OSBPL10: variants seen among roughly 807,000 people sequenced by gnomAD.
OSBPL10 encodes the protein oxysterol binding protein like 10, also known as oxysterol-binding protein-related protein 10.
OSBPL10 carries 49 observed loss-of-function variants against 81.7 expected under a neutral mutation model. The observed-to-expected ratio is 0.60, with a 90% CI of 0.48 to 0.76. The LOEUF is 0.76. OSBPL10 is among the 30% of genes least tolerant of loss of function. OSBPL10 has a pLI of 0.00. For missense variants in OSBPL10, 923 were observed against 987.8 expected (o/e 0.93, Z 0.88); for synonymous variants, 419 against 383.6 (o/e 1.09, Z -1.08).
exon 1 of OSBPL10, chr3:32,077,455 C>T (rs1699885546): frequency 6.6e-6 from 1 of 152,288 alleles, no homozygotes; most frequent in Non-Finnish European, 1.5e-5. Context: ...TCCTGATGGT[C>T]CACACCTGTT....
At chr3:31,966,209 A>G (rs1307423680) in intron 1 of OSBPL10, among the ~76,000 whole-genome samples, 1 of 149,092 alleles carries the variant, frequency 6.7e-6, no homozygotes, top group East Asian at 1.9e-4. Context: ...ACACTTCTAA[A>G]TAATTCATGG....
At chr3:31,876,357 C>T (rs1195206003) in intron 3 of OSBPL10, 76 bp downstream of exon 3, 3 of 1,271,442 alleles carry the variant, frequency 2.4e-6, no homozygotes, top group Non-Finnish European at 3.4e-6. Context: ...AAACACCTTC[C>T]CCGAAGAAAC....
rs1436258549 is a variant in OSBPL10, at chr3:31,769,461, A to AC, written c.730-21342_730-21341insG. On this transcript the variant is annotated intron_variant, in intron 4 of 11. Coordinates refer to ENST00000396556, the MANE Select transcript of OSBPL10 (RefSeq NM_017784.5). ...ACTCCATCTCAAAAAAAAAAAAACA[A>AC]AAAAAAAACAAAAAAAAACAGAATA... Among the ~76,000 whole-genome samples the AC allele has an allele frequency of 1.0e-4, 8 of 76,660 alleles. 3 individuals are homozygous for AC. The highest frequency in any genetic ancestry group is 1.1e-4 in the Non-Finnish European group (4 of 35,336). The allele number at this position is 76,660 out of a possible 152,430, so 50.3% of individuals were successfully genotyped here.
intron 6 of OSBPL10, among the ~76,000 whole-genome samples, chr3:31,719,739 T>C (rs1696574984): frequency 6.6e-6 from 1 of 152,082 alleles, no homozygotes; most frequent in Admixed American, 6.6e-5. Flanking sequence ...CTATATAAGA[T>C]ATATTTCTGT....
intron 3 of OSBPL10, among the ~76,000 whole-genome samples, chr3:31,845,262 AGGTATGT>A (rs1700600602): frequency 6.6e-6 from 1 of 152,160 alleles, no homozygotes; most frequent in Non-Finnish European, 1.5e-5. Flanking sequence ...TTATGCCACA[AGGTATGT>A]GGAACATACA....
intron 1 of OSBPL10, among the ~76,000 whole-genome samples, chr3:31,960,960 T>G (rs2125462323): frequency 6.6e-6 from 1 of 151,516 alleles, no homozygotes; most frequent in East Asian, 1.9e-4. Context: ...ACCTCAAAGC[T>G]GCCCAAAAAA....
At chr3:32,030,083 AAAG>A (rs1283691891) in intron 2 of OSBPL10, 2 of 194,680 alleles carry the variant, frequency 1.0e-5, no homozygotes, top group African/African-American at 4.8e-5. Context: ...AGAATATGTC[AAAG>A]AAGGTTAGAG....
chr3:31,876,179 G>C (rs1216227429), intron 3 of OSBPL10, among the ~76,000 whole-genome samples: 1 of 152,000 alleles, frequency 6.6e-6, no homozygotes, highest in Non-Finnish European at 1.5e-5. Context: ...TGCCTAAATT[G>C]ACAACAGAAT....
rs556978319 is a variant in OSBPL10, at chr3:31,717,381, T to C, written c.1096-14873A>G. The stretch of plus-strand genomic sequence containing the variant: ...CAGAAACAACCCAAAGCTCAGGTCT[T>C]ATTCTTTTTATTTTTCTTAAAGACA... On this transcript the variant is annotated intron_variant, in intron 6 of 11. Transcript: ENST00000396556. Among the ~76,000 whole-genome samples, 4 of 152,346 alleles carry C rather than the reference T, an allele frequency of 2.6e-5. No individual in the cohort carries two copies. In the East Asian group the frequency reaches 7.7e-4, roughly 29 times the overall value.
chr3:31,890,632 T>C (rs1440300385), intron 1 of OSBPL10, among the ~76,000 whole-genome samples: 1 of 152,116 alleles, frequency 6.6e-6, no homozygotes, highest in Admixed American at 6.5e-5. Context: ...TTGGATTTGA[T>C]CTATGATGAG....
intron 3 of OSBPL10, among the ~76,000 whole-genome samples, chr3:31,863,177 T>C (rs1701099846): frequency 6.6e-6 from 1 of 152,258 alleles, no homozygotes; most frequent in South Asian, 2.1e-4. Flanking sequence ...AGACACAATA[T>C]TGCATACAAT....
intron 1 of OSBPL10, among the ~76,000 whole-genome samples, chr3:31,978,737 C>T (rs1327604358): frequency 1.3e-5 from 2 of 152,154 alleles, no homozygotes; most frequent in African/African-American, 4.8e-5. Context: ...AGTAAACAAA[C>T]TCAATAAAGA....
intron 6 of OSBPL10, chr3:31,708,750 C>T: frequency 1.0e-6 from 1 of 985,434 alleles, no homozygotes; most frequent in Non-Finnish European, 1.2e-6. Flanking sequence ...GAGATTTCTC[C>T]TCTGGAAGAG....
intron 1 of OSBPL10, among the ~76,000 whole-genome samples, chr3:31,898,879 ATAGGAGGG>A (rs201194541): frequency 5.9e-5 from 9 of 151,684 alleles, no homozygotes; most frequent in African/African-American, 1.7e-4. Flanking sequence ...AAAGTTTGAC[ATAGGAGGG>A]TATCATTAAA....
At chr3:31,800,560 CATTATCAA>C (rs1223931490) in intron 4 of OSBPL10, among the ~76,000 whole-genome samples, 2 of 152,184 alleles carry the variant, frequency 1.3e-5, no homozygotes, top group Non-Finnish European at 2.9e-5. Context: ...TTTCCTTTCC[CATTATCAA>C]AACCACACTC....
At chr3:31,695,408 T>A (rs541690514) in intron 7 of OSBPL10, among the ~76,000 whole-genome samples, 8 of 152,234 alleles carry the variant, frequency 5.3e-5, no homozygotes, top group Non-Finnish European at 8.8e-5. Flanking sequence ...ATCCAGTCCC[T>A]AGTCTTACCA....
intron 1 of OSBPL10, among the ~76,000 whole-genome samples, chr3:31,948,067 G>A (rs1697752261): frequency 6.6e-6 from 1 of 152,174 alleles, no homozygotes. Flanking sequence ...TCACCTCCAG[G>A]CTAGAGGGTT....
chr3:31,708,487 A>G (rs976996444), intron 6 of OSBPL10, among the ~76,000 whole-genome samples: 1 of 152,228 alleles, frequency 6.6e-6, no homozygotes, highest in African/African-American at 2.4e-5. Flanking sequence ...CCGACTCTGT[A>G]TATATGTCAA....
intron 1 of OSBPL10, among the ~76,000 whole-genome samples, chr3:31,953,083 C>G (rs1043528889): frequency 1.3e-5 from 2 of 151,894 alleles, no homozygotes; most frequent in Admixed American, 6.6e-5. Flanking sequence ...AGGCGCCCAC[C>G]ACCATGCCTG....
Sources: gnomAD v4.1 joint callset for allele counts (sites outside exome capture counted in the v4.1 genomes callset) on GRCh38, gnomAD v4.1.1 for gene constraint, MANE v1.5 for transcripts, NCBI Gene and HGNC (gene_info 2026-07-23, HGNC 2026-07-21) for gene names.